GDPD4: variants seen among roughly 807,000 people sequenced by gnomAD.
GDPD4 encodes the protein glycerophosphodiester phosphodiesterase domain containing 4, also known as glycerophosphodiester phosphodiesterase 6.
Under a neutral mutation model 67.8 loss-of-function variants are expected in GDPD4, and 60 were observed. The observed-to-expected ratio is 0.88, with a 90% CI of 0.72 to 1.10. The LOEUF (loss-of-function observed/expected upper bound fraction) is 1.10, where lower values mean the gene tolerates loss of function less well. Among genes scored for constraint, GDPD4 ranks in the 50% least tolerant of loss-of-function variants. GDPD4 has a pLI of 0.00. For synonymous variants in GDPD4, 212 were observed against 210.9 expected (o/e 1.00, Z -0.04); for missense variants, 623 against 613.9 (o/e 1.01, Z -0.16).
chr11:77,244,648 G>C (rs1958745562), intron 12 of GDPD4, among the ~76,000 whole-genome samples: 2 of 152,036 alleles, frequency 1.3e-5, no homozygotes, highest in Non-Finnish European at 2.9e-5. Flanking sequence ...AGACAGGCCT[G>C]GGCAACATAG....
At chr11:77,258,960 ATTTCTT>A (rs1343020254) in intron 10 of GDPD4, among the ~76,000 whole-genome samples, 2 of 151,924 alleles carry the variant, frequency 1.3e-5, no homozygotes, top group African/African-American at 4.8e-5. Context: ...TGCACTGAGT[ATTTCTT>A]TTTGTTTGTT....
At position 77,300,999 on chromosome 11, in the gene GDPD4, C is replaced by T. The variant is rs748999211; in HGVS notation, c.-254+606G>A. Among the ~76,000 whole-genome samples, 21 of 150,728 alleles carry T rather than the reference C, an allele frequency of 1.4e-4. 1 individual carries two copies. The highest frequency in any genetic ancestry group is 2.6e-4 in the Admixed American group (4 of 15,150). Reference sequence around the variant, plus strand: ...TATCGAATAAAAGGCAGCTTTTTAACCAGAATAATTACCACCACCATTGTC... The same window carrying T: ...TATCGAATAAAAGGCAGCTTTTTAATCAGAATAATTACCACCACCATTGTC... On this transcript the variant is annotated intron_variant, in intron 1 of 16. Coordinates refer to ENST00000315938, the MANE Select transcript of GDPD4 (RefSeq NM_182833.3).
At position 77,229,282 on chromosome 11, in the gene GDPD4, T is replaced by G. The variant is rs766446634; in HGVS notation, c.1390-50A>C. The G allele has an allele frequency of 5.2e-6, 6 of 1,144,804 alleles. No homozygotes were observed. The East Asian group carries it at 7.1e-5, about 14-fold the overall frequency. 70.9% of individuals were successfully genotyped at this position (1,144,804 alleles called of 1,614,324 possible). A position where few individuals can be genotyped will look rare whatever the true frequency, so the allele number is the denominator to read the frequency against. Reference sequence around the variant, plus strand: ...AGAACTTTACAGTTAGAAGGGATTTTGGATCATACGGTCTAAGTCCCTTGC... The same window carrying G: ...AGAACTTTACAGTTAGAAGGGATTTGGGATCATACGGTCTAAGTCCCTTGC... On this transcript the variant is annotated intron_variant, in intron 14 of 16. Coordinates refer to ENST00000315938, the MANE Select transcript of GDPD4 (RefSeq NM_182833.3).
chr11:77,301,040 A>T (rs1385616260), intron 1 of GDPD4, among the ~76,000 whole-genome samples: 3 of 152,208 alleles, frequency 2.0e-5, no homozygotes, highest in Non-Finnish European at 4.4e-5. Context: ...ACCTGCAGAT[A>T]CTTTGTGTCT....
Position 77,245,467 on chromosome 11 carries a change from C to T in GDPD4, c.900G>A (p.Glu300=), listed in dbSNP as rs1242767730. ...GATTTCTTGCTCTTTCTTTATCTGC[C>T]TCTGATAGAGGTTTCATATTGTAAA... ...RPFYNMKPLS[E]ADKERARNQS... is the part of the protein sequence containing the mutation. The change falls in exon 12 of 17, where the codon GAG becomes GAA. Residue 300 remains glutamate (E), a synonymous_variant. Transcript: ENST00000315938. The T allele has an allele frequency of 6.2e-7, 1 of 1,613,960 alleles. No homozygotes were observed. The highest frequency in any genetic ancestry group is 8.5e-7 in the Non-Finnish European group (1 of 1,179,862).
At chr11:77,269,388 C>CAGG (rs1407760469) in intron 8 of GDPD4, among the ~76,000 whole-genome samples, 1 of 152,082 alleles carries the variant, frequency 6.6e-6, no homozygotes, top group Admixed American at 6.5e-5. Flanking sequence ...AGCAGCTTCT[C>CAGG]AGGAGGAGGA....
chr11:77,232,394 T>G (rs1958471446), intron 14 of GDPD4, among the ~76,000 whole-genome samples: 1 of 152,244 alleles, frequency 6.6e-6, no homozygotes, highest in African/African-American at 2.4e-5. Flanking sequence ...GAACAAGTTC[T>G]GTAGCAGTAA....
chr11:77,256,101 C>T (rs1045463016), intron 11 of GDPD4, among the ~76,000 whole-genome samples: 2 of 152,162 alleles, frequency 1.3e-5, no homozygotes, highest in Non-Finnish European at 2.9e-5. Context: ...AATTAAAATT[C>T]ATCAACTCTA....
intron 16 of GDPD4, among the ~76,000 whole-genome samples, chr11:77,217,520 A>T (rs1172027604): frequency 4.9e-4 from 1 of 2,054 alleles, no homozygotes; most frequent in Non-Finnish European, 6.3e-3. Context: ...TTAAGAGTCT[A>T]CTACTGCATG....
Position 77,216,588 on chromosome 11 carries a change from C to G in GDPD4, c.*689G>C. 2 of 302,180 alleles carry G rather than the reference C, an allele frequency of 6.6e-6. No individual in the cohort carries two copies. The highest frequency in any genetic ancestry group is 7.8e-5 in the East Asian group (1 of 12,874). The allele number at this position is 302,180 out of a possible 1,614,324, so 18.7% of individuals were successfully genotyped here. ...GAGAGGTTGCCTTTACTTATATGCA[C>G]AGTCACTCCTTTAGCAGAAAATATT... On this transcript the variant is annotated 3_prime_UTR_variant, in exon 17 of 17. Coordinates refer to ENST00000315938, the MANE Select transcript of GDPD4 (RefSeq NM_182833.3).
intron 16 of GDPD4, among the ~76,000 whole-genome samples, chr11:77,227,027 TTTAA>T (rs758428657): frequency 4.6e-5 from 7 of 152,210 alleles, no homozygotes; most frequent in Non-Finnish European, 7.3e-5. Context: ...CTGTTCCAAC[TTTAA>T]TTAAGTCTCC....
intron 13 of GDPD4, among the ~76,000 whole-genome samples, chr11:77,239,416 C>T (rs748086332): frequency 6.6e-6 from 1 of 152,154 alleles, no homozygotes; most frequent in Non-Finnish European, 1.5e-5. Context: ...GATGACATGA[C>T]CTTTTATATA....
chr11:77,222,757 C>T (rs1474140976), intron 16 of GDPD4, among the ~76,000 whole-genome samples: 1 of 152,128 alleles, frequency 6.6e-6, no homozygotes, highest in Non-Finnish European at 1.5e-5. Context: ...CTCTGTATTT[C>T]CTGAATTTGA....
At chr11:77,255,042 T>C (rs1591550634) in intron 11 of GDPD4, among the ~76,000 whole-genome samples, 1 of 152,104 alleles carries the variant, frequency 6.6e-6, no homozygotes, top group Non-Finnish European at 1.5e-5. Flanking sequence ...AGATAAAGTC[T>C]CCAGACAACC....
intron 16 of GDPD4, among the ~76,000 whole-genome samples, chr11:77,218,852 C>T (rs968565903): frequency 1.5e-4 from 22 of 151,494 alleles, no homozygotes; most frequent in South Asian, 6.2e-4. Flanking sequence ...ATAAACAATA[C>T]GTGTGCATGT....
intron 13 of GDPD4, among the ~76,000 whole-genome samples, chr11:77,235,725 CAGG>C (rs1008583796): frequency 1.3e-5 from 2 of 152,066 alleles, no homozygotes; most frequent in Non-Finnish European, 2.9e-5. Flanking sequence ...GAGGCCAAGG[CAGG>C]AGGATGGCTT....
At chr11:77,227,742 AC>A in intron 16 of GDPD4, 121 bp downstream of exon 16, 1 of 624,124 alleles carries the variant, frequency 1.6e-6, no homozygotes, top group Non-Finnish European at 3.0e-6. Flanking sequence ...CCCTCCCCCA[AC>A]CCCACCCCCA....
At chr11:77,280,818 TTGGTGA>T (rs1438366616) in intron 3 of GDPD4, among the ~76,000 whole-genome samples, 1 of 152,190 alleles carries the variant, frequency 6.6e-6, no homozygotes, top group African/African-American at 2.4e-5. Flanking sequence ...GTACTTACTG[TTGGTGA>T]TGGTAGTGGC....
At chr11:77,219,975 C>A (rs1362104934) in intron 16 of GDPD4, among the ~76,000 whole-genome samples, 3 of 152,074 alleles carry the variant, frequency 2.0e-5, no homozygotes, top group Admixed American at 1.3e-4. Flanking sequence ...GTGAGTTTTG[C>A]ACATTGATTT....
Sources: gnomAD v4.1 joint callset for allele counts (sites outside exome capture counted in the v4.1 genomes callset) on GRCh38, gnomAD v4.1.1 for gene constraint, MANE v1.5 for transcripts, NCBI Gene and HGNC (gene_info 2026-07-23, HGNC 2026-07-21) for gene names.